The following ENTPD5 variants were observed in gnomAD, a reference collection of about 807,000 sequenced individuals.
ENTPD5 encodes ectonucleoside triphosphate diphosphohydrolase 5 (inactive), also known as nucleoside diphosphate phosphatase ENTPD5.
In ENTPD5, 49 loss-of-function variants were observed where a neutral mutation model predicts 60.2. The observed-to-expected ratio is 0.81, with a 90% CI of 0.65 to 1.03. The LOEUF (loss-of-function observed/expected upper bound fraction) is 1.03. Among genes scored for constraint, ENTPD5 ranks in the 50% least tolerant of loss-of-function variants. ENTPD5 has a pLI of 0.00. For missense variants in ENTPD5, 480 were observed against 507.6 expected (o/e 0.95, Z 0.52); for synonymous variants, 187 against 185.4 (o/e 1.01, Z -0.07).
chr14:73,968,998 G>T (rs920902102), intron 15 of ENTPD5, among the ~76,000 whole-genome samples: 11 of 152,238 alleles, frequency 7.2e-5, no homozygotes, highest in Admixed American at 3.3e-4. Flanking sequence ...CATTACATAT[G>T]CATGAGGCAT....
intron 3 of ENTPD5, among the ~76,000 whole-genome samples, chr14:74,007,247 C>T (rs979567095): frequency 2.0e-4 from 30 of 152,170 alleles, no homozygotes; most frequent in South Asian, 4.1e-4. Flanking sequence ...TATGGCCGGG[C>T]GCGGTGGCTC....
At chr14:73,961,880 A>G (rs1414591285), downstream of ENTPD5, 2 of 1,614,084 alleles carry the variant, frequency 1.2e-6, no homozygotes, top group African/African-American at 2.7e-5. Flanking sequence ...CTTGCAGGCC[A>G]CAAATGCAGT....
At chr14:73,972,205 C>T (rs918146274) in intron 13 of ENTPD5, among the ~76,000 whole-genome samples, 2 of 151,116 alleles carry the variant, frequency 1.3e-5, no homozygotes, top group Non-Finnish European at 2.9e-5. Context: ...GGTGAAACCT[C>T]GTCTCTATTA....
chr14:73,977,327 A>G lies in ENTPD5; in HGVS notation c.489T>C (p.Ser163=), dbSNP rs202150430. 4.2e-5 allele frequency: 67 copies of G among 1,611,262 alleles called. No individual in the cohort carries two copies. In the East Asian group the frequency reaches 1.1e-3, roughly 26 times the overall value. ...RKSPFLVPKG[S]VSIMDGSDEG... is the part of the protein sequence containing the mutation. ...CGTCGGATCCATCCATGATGCTAAC[A>G]CTGCCCTTTGGTACCAGGAAAGGTG... is the stretch of plus-strand genomic sequence containing the variant. Residue 163 remains serine (S), a synonymous_variant, in exon 7 of 16, where the codon AGT becomes AGC. Coordinates refer to ENST00000334696, the MANE Select transcript of ENTPD5 (RefSeq NM_001249.5).
intron 6 of ENTPD5, among the ~76,000 whole-genome samples, chr14:73,978,681 C>T (rs372730953): frequency 1.3e-5 from 2 of 151,868 alleles, no homozygotes; most frequent in South Asian, 2.1e-4. Flanking sequence ...AGCCAAAGTG[C>T]GGGCGGATCA....
At position 73,976,410 on chromosome 14, in the gene ENTPD5, G is replaced by A; in HGVS notation, c.556C>T (p.Gln186Ter). The A allele has an allele frequency of 6.2e-7, 1 of 1,613,974 alleles. No homozygotes were observed. The highest frequency in any genetic ancestry group is 1.1e-5 in the South Asian group (1 of 91,074). The change falls in exon 9 of 16, where the codon CAG (glutamine) becomes TAG (stop). Residue 186 changes from glutamine (Q) to a stop codon, truncating the protein, a stop_gained and splice_region_variant. Coordinates refer to ENST00000334696, the MANE Select transcript of ENTPD5 (RefSeq NM_001249.5). LOFTEE classifies it high-confidence loss of function. Reference sequence around the variant, plus strand: ...GTCTCCTGTCTGTGGCCATGCAGCTGACCTGTCAAATGAGAGCCAGCTCTA... The same window carrying A: ...GTCTCCTGTCTGTGGCCATGCAGCTAACCTGTCAAATGAGAGCCAGCTCTA... Reference protein sequence around the residue: ...AWVTVNFLTGQLHGHRQETVG... With the variant: ...AWVTVNFLTG
intron 11 of ENTPD5, 55 bp downstream of exon 11, chr14:73,974,869 C>T (rs1440001160): frequency 8.2e-5 from 112 of 1,371,692 alleles, no homozygotes; most frequent in Non-Finnish European, 1.1e-4. Context: ...AAGAAGCAAG[C>T]GGAGTATCTG....
At chr14:73,973,079 C>T (rs1198504630) in intron 12 of ENTPD5, 55 bp from the exon 13 acceptor site, 23 of 1,599,678 alleles carry the variant, frequency 1.4e-5, no homozygotes, top group Non-Finnish European at 1.9e-5. Context: ...GGGAAGGGGA[C>T]ACTCTCTGAG....
chr14:73,974,946 G>C lies in ENTPD5; in HGVS notation c.762C>G (p.Thr254=), dbSNP rs763355064. Residue 254 remains threonine, a synonymous_variant, in exon 11 of 16, where the codon ACC becomes ACG. Transcript: ENST00000334696. ...AACCTTCTGTCTCCAGGGCTCCCAG[G>C]GTTGCTAGTCTTGCAGCTTTCAATC... ...GFGLKAARLA[T]LGALETEGTD... is the part of the protein sequence containing the mutation. 3.1e-6 allele frequency: 5 copies of C among 1,613,670 alleles called. No homozygotes were observed. Among genetic ancestry groups the C allele is most frequent in the Non-Finnish European group, 3.4e-6 (4 of 1,179,676 alleles).
chr14:73,986,749 C>T (rs2057916103), intron 5 of ENTPD5, 65 bp downstream of exon 5: 4 of 1,088,400 alleles, frequency 3.7e-6, no homozygotes, highest in East Asian at 2.4e-5. Flanking sequence ...AAATATTTAA[C>T]AGCAGTGGTG....
chr14:73,983,940 C>T (rs747589562), intron 5 of ENTPD5, among the ~76,000 whole-genome samples: 1 of 152,116 alleles, frequency 6.6e-6, no homozygotes, highest in Non-Finnish European at 1.5e-5. Flanking sequence ...ATCCACCCAC[C>T]TCACCCTCCC....
intron 1 of ENTPD5, 67 bp downstream of exon 1, chr14:74,019,183 C>A (rs906007680): frequency 5.8e-5 from 9 of 155,174 alleles, no homozygotes; most frequent in Non-Finnish European, 1.1e-4. Flanking sequence ...TGCCAGCTCC[C>A]GCCTCCCGCC....
intron 13 of ENTPD5, among the ~76,000 whole-genome samples, chr14:73,972,369 G>A (rs2057265465): frequency 6.6e-6 from 1 of 151,980 alleles, no homozygotes; most frequent in Non-Finnish European, 1.5e-5. Flanking sequence ...GTGAGACTCT[G>A]TCTCAAAAAA....
downstream of ENTPD5, chr14:73,961,415 T>C (rs1367700033): frequency 3.1e-6 from 5 of 1,614,058 alleles, no homozygotes; most frequent in African/African-American, 5.3e-5. Flanking sequence ...CTTCTCACTT[T>C]GCTGCCAGAG....
intron 7 of ENTPD5, 31 bp downstream of exon 7, chr14:73,977,268 C>T: frequency 6.4e-7 from 1 of 1,552,556 alleles, no homozygotes. Flanking sequence ...TGCCCCTCTC[C>T]CCCTGGAACG....
At chr14:73,959,198 C>T (rs2056586631), downstream of ENTPD5, 1 of 1,614,126 alleles carries the variant, frequency 6.2e-7, no homozygotes, top group African/African-American at 1.3e-5. Flanking sequence ...GAGATTTCTT[C>T]CCTCTGGGCC....
At chr14:73,958,299 G>C, downstream of ENTPD5, 2 of 1,613,628 alleles carry the variant, frequency 1.2e-6, no homozygotes, top group Non-Finnish European at 1.7e-6. Flanking sequence ...TTCTTATTTT[G>C]CTAGGGGTCT....
chr14:74,009,880 C>G (rs1019099048), intron 3 of ENTPD5, among the ~76,000 whole-genome samples: 1 of 152,108 alleles, frequency 6.6e-6, no homozygotes, highest in Non-Finnish European at 1.5e-5. Flanking sequence ...CAAGCTCCAC[C>G]TCCTGGGTTC....
chr14:73,961,279 C>T (rs749155375), downstream of ENTPD5: 1 of 1,614,212 alleles, frequency 6.2e-7, no homozygotes, highest in South Asian at 1.1e-5. Context: ...CAGCTGCCCC[C>T]AAGCGTAGCC....
Sources: allele counts gnomAD v4.1 joint callset (sites outside exome capture counted in the v4.1 genomes callset), GRCh38; gene constraint gnomAD v4.1.1; transcripts MANE v1.5; gene names NCBI Gene and HGNC (gene_info 2026-07-23, HGNC 2026-07-21).